The following MAML3 variants were observed in gnomAD, a reference collection of about 807,000 sequenced individuals.
The protein encoded by MAML3 is mastermind-like protein 3.
In MAML3, 27 loss-of-function variants were observed where a neutral mutation model predicts 101.9. That is an observed-to-expected ratio of 0.27 (90% CI 0.20 to 0.37). MAML3 has a LOEUF of 0.37. MAML3 is among the 10% of genes least tolerant of loss of function. The probability of loss-of-function intolerance (pLI) is 1.00; values close to 1 mark genes in which losing one functional copy is unlikely to be tolerated. For synonymous variants in MAML3, 501 were observed against 555.9 expected, an observed-to-expected ratio of 0.90 and a Z score of 1.39; for missense variants, 1,316 against 1,444.9, an observed-to-expected ratio of 0.91 and a Z score of 1.45.
chr4:139,889,255 C>G, intron 2 of MAML3, 102 bp downstream of exon 2: 1 of 1,606,038 alleles, frequency 6.2e-7, no homozygotes, highest in Non-Finnish European at 8.5e-7. Flanking sequence ...TTTCTGCAGG[C>G]AATTAGACCC....
chr4:140,041,558 T>C (rs551732540), intron 1 of MAML3, among the ~76,000 whole-genome samples: 1 of 152,062 alleles, frequency 6.6e-6, no homozygotes, highest in Non-Finnish European at 1.5e-5. Flanking sequence ...GAGGCAGAGG[T>C]TGCAGTGAGC....
intron 2 of MAML3, among the ~76,000 whole-genome samples, chr4:139,813,356 G>A (rs915069794): frequency 3.3e-5 from 5 of 152,098 alleles, no homozygotes; most frequent in Non-Finnish European, 7.4e-5. Flanking sequence ...TGAACAATGG[G>A]TGCAAAAAGG....
intron 1 of MAML3, among the ~76,000 whole-genome samples, chr4:140,128,266 G>GAAA (rs1728715922): frequency 6.6e-6 from 1 of 152,126 alleles, no homozygotes; most frequent in Non-Finnish European, 1.5e-5. Flanking sequence ...AGGTGCAGAA[G>GAAA]CCAAAAATAC....
At chr4:140,044,537 G>A (rs978850325) in intron 1 of MAML3, among the ~76,000 whole-genome samples, 27 of 152,278 alleles carry the variant, frequency 1.8e-4, no homozygotes, top group Admixed American at 6.5e-4. Context: ...ATACATGCCA[G>A]TTTTTCACTA....
intron 2 of MAML3, among the ~76,000 whole-genome samples, chr4:139,838,710 T>C (rs1449124062): frequency 2.0e-5 from 3 of 152,230 alleles, no homozygotes; most frequent in South Asian, 2.1e-4. Flanking sequence ...TGTTCTGCTA[T>C]GTTTGGGACA....
chr4:139,808,652 C>T (rs1364164304), intron 2 of MAML3, among the ~76,000 whole-genome samples: 1 of 152,202 alleles, frequency 6.6e-6, no homozygotes, highest in Non-Finnish European at 1.5e-5. Flanking sequence ...GCCATTCCCC[C>T]TCTTACCTTT....
At chr4:139,759,996 T>C (rs574593220) in intron 2 of MAML3, among the ~76,000 whole-genome samples, 1 of 152,262 alleles carries the variant, frequency 6.6e-6, no homozygotes, top group South Asian at 2.1e-4. Flanking sequence ...ATGCCACATA[T>C]GTGATACTTC....
chr4:140,136,681 G>A (rs1172016662), intron 1 of MAML3, among the ~76,000 whole-genome samples: 1 of 152,210 alleles, frequency 6.6e-6, no homozygotes, highest in Admixed American at 6.5e-5. Flanking sequence ...AATTGGGAGA[G>A]GCTGGATGGA....
intron 2 of MAML3, among the ~76,000 whole-genome samples, chr4:139,836,527 G>C (rs1421142539): frequency 6.6e-6 from 1 of 152,178 alleles, no homozygotes; most frequent in East Asian, 1.9e-4. Context: ...AACTTCTGCT[G>C]TCTTAATGCC....
intron 2 of MAML3, among the ~76,000 whole-genome samples, chr4:139,800,316 CAG>C (rs1388537521): frequency 2.0e-5 from 3 of 152,076 alleles, no homozygotes; most frequent in Non-Finnish European, 1.5e-5. Flanking sequence ...CTTAAGAAGG[CAG>C]AGAGTGTTGC....
At chr4:139,850,278 T>C (rs1019463470) in intron 2 of MAML3, among the ~76,000 whole-genome samples, 2 of 152,236 alleles carry the variant, frequency 1.3e-5, no homozygotes, top group African/African-American at 4.8e-5. Flanking sequence ...CAAGTCACTA[T>C]TACTGTCTCA....
At chr4:139,737,219 C>G (rs1271978138) in intron 2 of MAML3, among the ~76,000 whole-genome samples, 1 of 152,154 alleles carries the variant, frequency 6.6e-6, no homozygotes, top group East Asian at 1.9e-4. Context: ...TGAAAGAGTT[C>G]TTCAAATATG....
At chr4:139,967,046 G>T (rs1051453041) in intron 1 of MAML3, among the ~76,000 whole-genome samples, 6 of 152,162 alleles carry the variant, frequency 3.9e-5, no homozygotes, top group African/African-American at 1.4e-4. Context: ...TAACAATTGT[G>T]AAGAAATTTA....
chr4:140,147,924 G>GTA (rs1729093330), intron 1 of MAML3, among the ~76,000 whole-genome samples: 1 of 151,838 alleles, frequency 6.6e-6, no homozygotes, highest in Non-Finnish European at 1.5e-5. Context: ...GAATGTGTGT[G>GTA]TGTGTGTGTG....
In MAML3 at chr4:139,889,571, T is replaced by C. The variant is rs1268375254; in HGVS notation, c.1865A>G (p.Asn622Ser). 2.5e-6 allele frequency: 4 copies of C among 1,613,806 alleles called. No homozygotes were observed. Among genetic ancestry groups the C allele is most frequent in the South Asian group, 2.2e-5 (2 of 91,080 alleles). ...CGGCATCAAGGGGTTTTTGTTGGGG[T>C]TGGCCACTGGTGGTGTCATCCTCTG... ...LSQRMTPPVA[N>S]PNKNPLMPYI... is the part of the protein sequence containing the mutation. Residue 622 changes from asparagine to serine, a missense_variant, in exon 2 of 5, where the codon AAC becomes AGC. Coordinates refer to ENST00000509479, the MANE Select transcript of MAML3 (RefSeq NM_018717.5).
intron 1 of MAML3, among the ~76,000 whole-genome samples, chr4:139,999,484 T>C (rs1428574636): frequency 1.3e-5 from 2 of 152,248 alleles, no homozygotes; most frequent in African/African-American, 4.8e-5. Context: ...TCCCCGATTG[T>C]CGTATGCCTT....
At chr4:140,109,555 C>G (rs565576729) in intron 1 of MAML3, among the ~76,000 whole-genome samples, 1 of 152,146 alleles carries the variant, frequency 6.6e-6, no homozygotes, top group South Asian at 2.1e-4. Context: ...CAGACAGCCA[C>G]GCAACACCCA....
intron 1 of MAML3, among the ~76,000 whole-genome samples, chr4:140,126,952 C>A (rs1728694447): frequency 6.6e-6 from 1 of 152,200 alleles, no homozygotes; most frequent in South Asian, 2.1e-4. Context: ...CTACTTGAAG[C>A]CCTTCAACAT....
At chr4:139,927,072 C>CTTTTTTTTTTTTTTTTTTT (rs61573991) in intron 1 of MAML3, among the ~76,000 whole-genome samples, 14 of 134,712 alleles carry the variant, frequency 1.0e-4, no homozygotes, top group Non-Finnish European at 1.4e-4. Context: ...TTTCTTTTTT[C>CTTTTTTTTTTTTTTTTTTT]TTTTTTTTTT....
Sources: gnomAD v4.1 joint callset for allele counts (sites outside exome capture counted in the v4.1 genomes callset) on GRCh38, gnomAD v4.1.1 for gene constraint, MANE v1.5 for transcripts, NCBI Gene and HGNC (gene_info 2026-07-23, HGNC 2026-07-21) for gene names.